The following CCDC91 variants were observed in gnomAD, a reference collection of about 807,000 sequenced individuals.
CCDC91 encodes the protein coiled-coil domain-containing protein 91.
Under a neutral mutation model 63.2 loss-of-function variants are expected in CCDC91, and 48 were observed. The observed-to-expected ratio is 0.76, with a 90% CI of 0.60 to 0.97. The LOEUF is 0.97. Among genes scored for constraint, CCDC91 ranks in the 50% least tolerant of loss-of-function variants. The pLI is 0.00. For synonymous variants in CCDC91, 167 were observed against 165.8 expected, an observed-to-expected ratio of 1.01 and a Z score of -0.06; for missense variants, 500 against 494.6, an observed-to-expected ratio of 1.01 and a Z score of -0.10.
At chr12:28,342,007 A>G (rs1032703192) in intron 6 of CCDC91, among the ~76,000 whole-genome samples, 1 of 152,182 alleles carries the variant, frequency 6.6e-6, no homozygotes, top group African/African-American at 2.4e-5. Context: ...TGTAATTACG[A>G]TCTCAGACCT....
intron 1 of CCDC91, among the ~76,000 whole-genome samples, chr12:28,243,787 CAAAG>C (rs1945516372): frequency 6.6e-6 from 1 of 152,128 alleles, no homozygotes; most frequent in Non-Finnish European, 1.5e-5. Context: ...AATCTTCCCA[CAAAG>C]AAAGCAACAA....
intron 3 of CCDC91, among the ~76,000 whole-genome samples, chr12:28,289,080 C>T (rs1419632394): frequency 1.3e-5 from 2 of 150,664 alleles, no homozygotes; most frequent in South Asian, 4.2e-4. Context: ...TTTTTTTCTT[C>T]TTTATTTGTC....
At chr12:28,376,075 C>G (rs1233752973) in intron 7 of CCDC91, among the ~76,000 whole-genome samples, 1 of 151,688 alleles carries the variant, frequency 6.6e-6, no homozygotes, top group East Asian at 1.9e-4. Flanking sequence ...AATTCTGAAT[C>G]TGTAGATGTA....
chr12:28,544,487 A>T (rs1942846771), intron 12 of CCDC91, among the ~76,000 whole-genome samples: 1 of 152,046 alleles, frequency 6.6e-6, no homozygotes, highest in Non-Finnish European at 1.5e-5. Flanking sequence ...TAAAATATGT[A>T]GGAGTGTAAG....
chr12:28,269,233 C>G (rs1947574325), intron 3 of CCDC91, among the ~76,000 whole-genome samples: 1 of 152,012 alleles, frequency 6.6e-6, no homozygotes, highest in Non-Finnish European at 1.5e-5. Flanking sequence ...AACGGTGTCT[C>G]TAATTCTTGG....
At chr12:28,343,271 A>G (rs1942573199) in intron 6 of CCDC91, among the ~76,000 whole-genome samples, 1 of 151,872 alleles carries the variant, frequency 6.6e-6, no homozygotes, top group Non-Finnish European at 1.5e-5. Context: ...ATCACATATA[A>G]TAAACAGCAT....
At chr12:28,274,414 C>A (rs1948035487) in intron 3 of CCDC91, among the ~76,000 whole-genome samples, 1 of 152,118 alleles carries the variant, frequency 6.6e-6, no homozygotes, top group Admixed American at 6.6e-5. Flanking sequence ...GGCATTGAAT[C>A]TATAAATTAC....
intron 12 of CCDC91, among the ~76,000 whole-genome samples, chr12:28,526,666 G>A (rs529498427): frequency 6.6e-6 from 1 of 152,048 alleles, no homozygotes; most frequent in South Asian, 2.1e-4. Flanking sequence ...CAAGGCTGGG[G>A]AACTTTTCCT....
chr12:28,467,618 G>T (rs1950608987), intron 11 of CCDC91, among the ~76,000 whole-genome samples: 1 of 152,010 alleles, frequency 6.6e-6, no homozygotes, highest in African/African-American at 2.4e-5. Context: ...GATCTAATAG[G>T]TATTTAGAGA....
chr12:28,458,001 C>T (rs1207670555), intron 11 of CCDC91, among the ~76,000 whole-genome samples: 9 of 152,192 alleles, frequency 5.9e-5, no homozygotes, highest in South Asian at 2.1e-4. Flanking sequence ...TAACCACAGC[C>T]ACTGTAATTT....
chr12:28,370,119 G>T (rs1208509227), intron 7 of CCDC91, among the ~76,000 whole-genome samples: 5 of 152,158 alleles, frequency 3.3e-5, no homozygotes, highest in Non-Finnish European at 1.5e-5. Context: ...CAGAAAATGG[G>T]TTTTTATTTT....
At chr12:28,382,552 G>A (rs1347154269) in intron 7 of CCDC91, among the ~76,000 whole-genome samples, 1 of 152,042 alleles carries the variant, frequency 6.6e-6, no homozygotes, top group Non-Finnish European at 1.5e-5. Flanking sequence ...GAGATAAAAT[G>A]AGGAATCTAA....
chr12:28,399,369 C>T lies in CCDC91; in HGVS notation c.762+7958C>T, dbSNP rs550156798. ...GGGTAACTGCCACCATGATTTCCTC[C>T]CACTGGGTTTCTCCTGCAACACTTG... On this transcript the variant is annotated intron_variant, in intron 8 of 12. Transcript: ENST00000536442. Among the ~76,000 whole-genome samples the T allele has an allele frequency of 3.9e-5, 6 of 152,204 alleles. 1 individual carries two copies. In the Middle Eastern group the frequency reaches 0.017, roughly 431 times the overall value.
chr12:28,231,692 A>T (rs1325168247), intron 1 of CCDC91, among the ~76,000 whole-genome samples: 1 of 142,872 alleles, frequency 7.0e-6, no homozygotes, highest in African/African-American at 2.4e-5. Context: ...ATAATTTATT[A>T]GATAATTTTA....
At chr12:28,434,715 T>A (rs1462505213) in intron 8 of CCDC91, among the ~76,000 whole-genome samples, 2 of 150,282 alleles carry the variant, frequency 1.3e-5, no homozygotes, top group Admixed American at 1.3e-4. Context: ...ATTAGTATAA[T>A]TTTTCCTTAA....
chr12:28,473,026 A>G (rs1191887409), intron 11 of CCDC91, among the ~76,000 whole-genome samples: 1 of 152,220 alleles, frequency 6.6e-6, no homozygotes, highest in Non-Finnish European at 1.5e-5. Flanking sequence ...ATTATAGTTC[A>G]AATGACTACC....
chr12:28,334,800 G>C, intron 6 of CCDC91, among the ~76,000 whole-genome samples: 1 of 151,990 alleles, frequency 6.6e-6, no homozygotes. Context: ...AAGCACTTGG[G>C]CACCAAACCA....
chr12:28,311,670 C>T (rs1455137613), intron 6 of CCDC91, among the ~76,000 whole-genome samples: 1 of 151,900 alleles, frequency 6.6e-6, no homozygotes, highest in African/African-American at 2.4e-5. Flanking sequence ...TCATTGTTTA[C>T]TGTTGATTAA....
chr12:28,273,952 T>C (rs904696179), intron 3 of CCDC91, among the ~76,000 whole-genome samples: 48 of 152,306 alleles, frequency 3.2e-4, no homozygotes, highest in African/African-American at 1.1e-3. Context: ...TAGGTTTTCT[T>C]CTAGGGTTTT....
Sources: allele counts gnomAD v4.1 joint callset (sites outside exome capture counted in the v4.1 genomes callset), GRCh38; gene constraint gnomAD v4.1.1; transcripts MANE v1.5; gene names NCBI Gene and HGNC (gene_info 2026-07-23, HGNC 2026-07-21).